Variants in KCNIP4 observed in about 807,000 individuals in gnomAD.
KCNIP4 encodes the protein Kv channel-interacting protein 4.
KCNIP4 carries 12 observed loss-of-function variants against 34.0 expected under a neutral mutation model. The ratio of observed to expected loss-of-function variants is 0.35; its 90% confidence interval spans 0.23 to 0.57. The LOEUF (loss-of-function observed/expected upper bound fraction) is 0.57. Among genes scored for constraint, KCNIP4 ranks in the 20% least tolerant of loss-of-function variants. The pLI is 0.83. For synonymous variants in KCNIP4, 124 were observed against 102.2 expected (o/e 1.21, Z -1.29); for missense variants, 238 against 311.7 (o/e 0.76, Z 1.78).
At position 21,645,566 on chromosome 4, in the gene KCNIP4, C is replaced by G. The variant is rs1577747561; in HGVS notation, c.61+303005G>C. Among the ~76,000 whole-genome samples the G allele has an allele frequency of 2.6e-5, 4 of 152,240 alleles. No individual in the cohort carries two copies. In the South Asian group the frequency reaches 8.3e-4, roughly 32 times the overall value. ...ATAGAAAATCTAGTGAAAATCCAGA[C>G]AGATCCCAATTGTCACAGATTGGGA... On this transcript the variant is annotated intron_variant, in intron 1 of 8. Transcript: ENST00000382152.
intron 1 of KCNIP4, among the ~76,000 whole-genome samples, chr4:21,520,362 T>C (rs1735420648): frequency 6.6e-6 from 1 of 152,072 alleles, no homozygotes; most frequent in Non-Finnish European, 1.5e-5. Flanking sequence ...CTGTGAAAAA[T>C]AAATGTTTGT....
intron 1 of KCNIP4, among the ~76,000 whole-genome samples, chr4:21,098,680 T>C (rs1283180556): frequency 6.6e-6 from 1 of 152,192 alleles, no homozygotes; most frequent in Non-Finnish European, 1.5e-5. Context: ...ACAATACACC[T>C]GGTCATTCAA....
chr4:20,749,608 TA>T, intron 5 of KCNIP4, 53 bp downstream of exon 5: 1 of 1,276,622 alleles, frequency 7.8e-7, no homozygotes, highest in Non-Finnish European at 1.1e-6. Flanking sequence ...ATTTTCCCCC[TA>T]AAAAGACTAA....
intron 4 of KCNIP4, among the ~76,000 whole-genome samples, chr4:20,754,828 A>G (rs1324253988): frequency 1.3e-5 from 2 of 152,094 alleles, no homozygotes; most frequent in East Asian, 1.9e-4. Context: ...GTGGAGCTCT[A>G]TCCAAGTTTT....
At chr4:21,373,826 C>T (rs1720716523) in intron 1 of KCNIP4, among the ~76,000 whole-genome samples, 1 of 146,850 alleles carries the variant, frequency 6.8e-6, no homozygotes, top group Non-Finnish European at 1.5e-5. Context: ...ATGCCTCAGC[C>T]TCCCGAGTAA....
At chr4:20,809,938 A>G (rs532812164) in intron 3 of KCNIP4, among the ~76,000 whole-genome samples, 39 of 152,308 alleles carry the variant, frequency 2.6e-4, no homozygotes, top group Non-Finnish European at 5.1e-4. Context: ...GAGTGCTGAC[A>G]AGCATGCTGT....
chr4:20,815,675 A>G (rs1716282925), intron 3 of KCNIP4, among the ~76,000 whole-genome samples: 1 of 152,172 alleles, frequency 6.6e-6, no homozygotes, highest in Admixed American at 6.5e-5. Flanking sequence ...TTTTCATCAA[A>G]ACCAATTATG....
At chr4:21,234,892 C>A (rs1008108896) in intron 1 of KCNIP4, among the ~76,000 whole-genome samples, 1 of 151,964 alleles carries the variant, frequency 6.6e-6, no homozygotes, top group African/African-American at 2.4e-5. Flanking sequence ...AAGTGATCCA[C>A]CCGCCTCGGC....
At chr4:20,919,321 G>T (rs1729149517) in intron 1 of KCNIP4, among the ~76,000 whole-genome samples, 2 of 152,020 alleles carry the variant, frequency 1.3e-5, no homozygotes, top group African/African-American at 4.8e-5. Flanking sequence ...GTGTGTGGAT[G>T]ATGGATGAGT....
At chr4:21,589,184 A>ATG (rs1741924316) in intron 1 of KCNIP4, among the ~76,000 whole-genome samples, 1 of 59,198 alleles carries the variant, frequency 1.7e-5, no homozygotes, top group East Asian at 5.8e-4. Context: ...ATATATATAT[A>ATG]TATATATATA....
At chr4:21,760,023 C>T (rs1717937915) in intron 1 of KCNIP4, among the ~76,000 whole-genome samples, 1 of 152,054 alleles carries the variant, frequency 6.6e-6, no homozygotes, top group Non-Finnish European at 1.5e-5. Context: ...TCCAACTACT[C>T]TATTCAGCTG....
intron 5 of KCNIP4, among the ~76,000 whole-genome samples, chr4:20,744,671 G>T (rs1752014483): frequency 6.6e-6 from 1 of 152,094 alleles, no homozygotes; most frequent in South Asian, 2.1e-4. Flanking sequence ...TAATGTAAAT[G>T]ACGTGTTAAT....
chr4:21,492,226 T>A (rs1229720744), intron 1 of KCNIP4, among the ~76,000 whole-genome samples: 3 of 151,370 alleles, frequency 2.0e-5, no homozygotes, highest in Non-Finnish European at 4.4e-5. Flanking sequence ...ATACATATAC[T>A]TTTTTGTTTT....
intron 5 of KCNIP4, among the ~76,000 whole-genome samples, chr4:20,743,143 C>A (rs1751574892): frequency 6.6e-6 from 1 of 152,108 alleles, no homozygotes; most frequent in Non-Finnish European, 1.5e-5. Context: ...GAAGAACATT[C>A]CATGTTCATG....
intron 1 of KCNIP4, among the ~76,000 whole-genome samples, chr4:21,478,443 G>T (rs79614080): frequency 0.013 from 1,921 of 152,184 alleles, 36 homozygotes; most frequent in African/African-American, 0.042. Context: ...TCTTTTTAAT[G>T]GGGTGGGGGA....
At chr4:21,906,182 A>C (rs1727991428) in intron 1 of KCNIP4, among the ~76,000 whole-genome samples, 1 of 152,000 alleles carries the variant, frequency 6.6e-6, no homozygotes. Context: ...TGTGATAATG[A>C]CTCCCAAAGT....
intron 1 of KCNIP4, among the ~76,000 whole-genome samples, chr4:21,698,616 G>A (rs1712586414): frequency 6.6e-6 from 1 of 151,954 alleles, no homozygotes; most frequent in South Asian, 2.1e-4. Context: ...CAGTTTTCGG[G>A]ATTTGTCTAC....
intron 1 of KCNIP4, among the ~76,000 whole-genome samples, chr4:21,132,013 G>A (rs1309748568): frequency 6.6e-6 from 1 of 152,094 alleles, no homozygotes; most frequent in Non-Finnish European, 1.5e-5. Context: ...TAATGAGGAG[G>A]GCGTGTGATG....
rs1553845757 is a variant in KCNIP4 at position 21,247,865 on chromosome 4, T to TATACAC, written c.62-365157_62-365156insGTGTAT. 9.4e-4 allele frequency among the ~76,000 whole-genome samples: 115 copies of TATACAC among 122,426 alleles called. 1 individual carries two copies. Among genetic ancestry groups the TATACAC allele is most frequent in the African/African-American group, 3.6e-3 (107 of 29,520 alleles). 80.3% of individuals were successfully genotyped at this position (122,426 alleles called of 152,430 possible). A position where few individuals can be genotyped will look rare whatever the true frequency, so the allele number is the denominator to read the frequency against. Reference sequence around the variant, plus strand: ...ACAGGTGGAGATATATATATATATATACACACACACACACACACCACAGGT... The same window carrying TATACAC: ...ACAGGTGGAGATATATATATATATATATACACACACACACACACACACACCACAGGT... On this transcript the variant is annotated intron_variant, in intron 1 of 8. Transcript: ENST00000382152.
Sources: allele counts gnomAD v4.1 joint callset (sites outside exome capture counted in the v4.1 genomes callset), GRCh38; gene constraint gnomAD v4.1.1; transcripts MANE v1.5; gene names NCBI Gene and HGNC (gene_info 2026-07-23, HGNC 2026-07-21).